Variants in PPP1R13L observed in about 807,000 individuals in gnomAD.
PPP1R13L encodes the protein relA-associated inhibitor.
In PPP1R13L, 50 loss-of-function variants were observed where a neutral mutation model predicts 80.9. That is an observed-to-expected ratio of 0.62 (90% confidence interval 0.49 to 0.78). The LOEUF is 0.78. Among genes scored for constraint, PPP1R13L ranks in the 30% least tolerant of loss-of-function variants. The pLI is 0.00. For missense variants in PPP1R13L, 1,200 were observed against 1,205.9 expected, an observed-to-expected ratio of 1.00 and a Z score of 0.07; for synonymous variants, 602 against 534.3, an observed-to-expected ratio of 1.13 and a Z score of -1.75.
At position 45,382,520 on chromosome 19, in the gene PPP1R13L, G is replaced by A; in HGVS notation, c.2448+7C>T. On this transcript the variant is annotated splice_region_variant and intron_variant, in intron 12 of 12. Coordinates refer to ENST00000360957, the MANE Select transcript of PPP1R13L (RefSeq NM_006663.4). ...GGAGGTCCCCATGACTTCTCCCCTG[G>A]GCTCACCCCGAAGTAGTTCCGCGGC... 1.2e-6 allele frequency: 2 copies of A among 1,611,152 alleles called. No individual in the cohort carries two copies. Among genetic ancestry groups the A allele is most frequent in the Non-Finnish European group, 1.7e-6 (2 of 1,178,436 alleles).
chr19:45,398,152 G>A lies in PPP1R13L; in HGVS notation c.56-5C>T, dbSNP rs774393289. 2 of 1,613,708 alleles carry A rather than the reference G, an allele frequency of 1.2e-6. No individual in the cohort carries two copies. Among genetic ancestry groups the A allele is most frequent in the African/African-American group, 1.3e-5 (1 of 75,062 alleles). ...CCATGTGTTTCATGGCCAGCGCTGG[G>A]AAGGTGGGAGTGGAGGTAAGGACCT... On this transcript the variant is annotated splice_region_variant and splice_polypyrimidine_tract_variant and intron_variant, in intron 2 of 12. Coordinates refer to ENST00000360957, the MANE Select transcript of PPP1R13L (RefSeq NM_006663.4).
At chr19:45,404,924 C>G (rs545633043) in intron 1 of PPP1R13L, 75 bp downstream of exon 1, 1 of 916,542 alleles carries the variant, frequency 1.1e-6, no homozygotes, top group South Asian at 5.0e-5. Context: ...GCGTCCGAGT[C>G]CCCTCCCAAT....
chr19:45,394,799 T>C (rs1453621832), intron 7 of PPP1R13L: 2 of 150,822 alleles, frequency 1.3e-5, no homozygotes, highest in African/African-American at 4.9e-5. Context: ...AAAGGCTTTA[T>C]ATGAATTTAA....
chr19:45,396,036 T>C lies in PPP1R13L; in HGVS notation c.903+132A>G. 7.7e-7 allele frequency: 1 copy of C among 1,294,070 alleles called. No homozygotes were observed. The allele number at this position is 1,294,070 out of a possible 1,614,324, so 80.2% of individuals were successfully genotyped here. On this transcript the variant is annotated intron_variant, in intron 6 of 12. Transcript: ENST00000360957. This position sits in a 1 kb window ranked among gnomAD's most constrained non-coding sequence, Gnocchi z 5.3. ...AGGAAGGAGCAGAAACCCAGCACAG[T>C]GAAGGGAGAGCGTGGGAACGGGCGC...
chr19:45,381,796 C>T (rs569677698), intron 12 of PPP1R13L, among the ~76,000 whole-genome samples: 7 of 151,296 alleles, frequency 4.6e-5, no homozygotes, highest in East Asian at 1.9e-4. Flanking sequence ...AAAAATTAGC[C>T]GTGCGTGGTG....
At chr19:45,383,169 T>C (rs1287135697) in intron 11 of PPP1R13L, among the ~76,000 whole-genome samples, 2 of 149,816 alleles carry the variant, frequency 1.3e-5, no homozygotes, top group African/African-American at 4.9e-5. Flanking sequence ...TAATTTTTGG[T>C]ATTTTTAGTA....
chr19:45,391,847 A>G, intron 8 of PPP1R13L, 33 bp downstream of exon 8: 1 of 1,422,184 alleles, frequency 7.0e-7, no homozygotes, highest in Non-Finnish European at 9.2e-7. Context: ...TTCATGTAGC[A>G]AACATACCCC....
chr19:45,397,760 A>T (rs562945858), intron 3 of PPP1R13L, among the ~76,000 whole-genome samples: 2 of 152,010 alleles, frequency 1.3e-5, no homozygotes, highest in African/African-American at 4.8e-5. Context: ...CCAGATTTTT[A>T]AAAAATCATT....
chr19:45,392,332 T>TG lies in PPP1R13L; in HGVS notation c.1362dup (p.Lys455GlnfsTer9), dbSNP rs952285786. 27 of 1,613,086 alleles carry TG rather than the reference T, an allele frequency of 1.7e-5. No individual in the cohort carries two copies. The highest frequency in any genetic ancestry group is 2.2e-5 in the Non-Finnish European group (26 of 1,179,988). On this transcript the variant is annotated frameshift_variant, in exon 8 of 13. Coordinates refer to ENST00000360957, the MANE Select transcript of PPP1R13L (RefSeq NM_006663.4). LOFTEE classifies it high-confidence loss of function. ...TCAGGCTCCAGCTCGGTGGGGGGTT[T>TG]GGGGGGTCCTAGCCGGAACAAGAGC... is the stretch of plus-strand genomic sequence containing the variant.
Position 45,397,991 on chromosome 19 carries a change from G to A in PPP1R13L, c.198+14C>T. The A allele has an allele frequency of 6.2e-7, 1 of 1,600,648 alleles. No individual in the cohort carries two copies. Among genetic ancestry groups the A allele is most frequent in the Non-Finnish European group, 8.5e-7 (1 of 1,170,994 alleles). On this transcript the variant is annotated intron_variant, in intron 3 of 12. Coordinates refer to ENST00000360957, the MANE Select transcript of PPP1R13L (RefSeq NM_006663.4). ...GAGGCTGGCTTTGGAGATCAAGGTG[G>A]GAACCAGGCTTACCCTAGAAGGGGG...
At chr19:45,406,322 C>T (rs1806752607), upstream of PPP1R13L, 3 of 1,124,216 alleles carry the variant, frequency 2.7e-6, no homozygotes, top group African/African-American at 5.0e-5. This position sits in a 1 kb window ranked among gnomAD's most constrained non-coding sequence, Gnocchi z 4.2. Flanking sequence ...GACCAATCGA[C>T]CGTCCTGTCT....
intron 7 of PPP1R13L, 106 bp downstream of exon 7, chr19:45,395,330 A>G (rs773521806): frequency 1.5e-5 from 21 of 1,423,936 alleles, no homozygotes; most frequent in South Asian, 7.4e-5. Flanking sequence ...CAGTGCTTGT[A>G]AAGAGGCATT....
In PPP1R13L at chr19:45,395,751, G is replaced by C. The variant is rs1328609142; in HGVS notation, c.1039C>G (p.Gln347Glu). The C allele has an allele frequency of 2.0e-6, 3 of 1,533,068 alleles. No individual in the cohort carries two copies. In the African/African-American group the frequency reaches 4.1e-5, roughly 21 times the overall value. The allele number at this position is 1,533,068 out of a possible 1,614,324, so 95.0% of individuals were successfully genotyped here. A position where few individuals can be genotyped will look rare whatever the true frequency, so the allele number is the denominator to read the frequency against. ...GGCATGGGGATGCGGCTGACGGGCT[G>C]CCAGCTGCGAGGCAAAGTGCCCGAC... ...GPSGTLPRSW[Q>E]PVSRIPMPPS... Residue 347 changes from glutamine to glutamate, a missense_variant, in exon 7 of 13, where the codon CAG becomes GAG. Gln to Glu is a conservative substitution (Grantham distance 29). This residue lies in a region of PPP1R13L where 764 missense variants were observed against 714.5 expected (regional missense o/e 1.07). Transcript: ENST00000360957.
In PPP1R13L at chr19:45,399,947, T is replaced by TA. The variant is rs775624530; in HGVS notation, c.-21-1609dup. The stretch of plus-strand genomic sequence containing the variant: ...TTGGGTGACAGAGCGAGGCTCTATT[T>TA]AAAAAAAAAAAAATTAATTGAGGGG... On this transcript the variant is annotated intron_variant, in intron 1 of 12. Transcript: ENST00000360957. 1.1e-3 allele frequency among the ~76,000 whole-genome samples: 166 copies of TA among 144,942 alleles called. No homozygotes were observed. The Middle Eastern group carries it at 0.021, about 19-fold the overall frequency.
chr19:45,381,737 C>G (rs1303932774), intron 12 of PPP1R13L, among the ~76,000 whole-genome samples: 1 of 149,822 alleles, frequency 6.7e-6, no homozygotes, highest in Admixed American at 6.7e-5. Flanking sequence ...TCAAGACCAG[C>G]CTGGCCAACG....
chr19:45,395,703 C>T lies in PPP1R13L; in HGVS notation c.1087G>A (p.Gly363Arg), dbSNP rs1318710734. ...GGGATGGGACGCTGGCGCGGGGCCC[C>T]GCGGGGCTGGGGGCTGGAGGGGGGC... ...PMPPSSPQPR[G>R]APRQRPIPLS... The change falls in exon 7 of 13, where the codon GGG becomes AGG. Residue 363 changes from glycine (G) to arginine (R), a missense_variant. Physicochemically the swap from Gly to Arg is moderately radical, Grantham distance 125. Transcript: ENST00000360957. 1.5e-6 allele frequency: 2 copies of T among 1,345,786 alleles called. No individual in the cohort carries two copies. Among genetic ancestry groups the T allele is most frequent in the South Asian group, 3.1e-5 (2 of 63,956 alleles). 83.4% of individuals were successfully genotyped at this position (1,345,786 alleles called of 1,614,324 possible).
intron 12 of PPP1R13L, among the ~76,000 whole-genome samples, chr19:45,380,459 G>A (rs193133111): frequency 6.6e-6 from 1 of 152,140 alleles, no homozygotes; most frequent in East Asian, 1.9e-4. Context: ...CTGCCATAAG[G>A]AGAAGCCCAC....
chr19:45,399,976 CT>C (rs1973199528), intron 1 of PPP1R13L, among the ~76,000 whole-genome samples: 1 of 151,786 alleles, frequency 6.6e-6, no homozygotes, highest in Non-Finnish European at 1.5e-5. Context: ...TGAGGGGCCA[CT>C]CCCTTCTAGA....
At position 45,385,851 on chromosome 19, in the gene PPP1R13L, T is replaced by G. The variant is rs758134664; in HGVS notation, c.2054A>C (p.Asn685Thr). The change falls in exon 10 of 13, where the codon AAT (asparagine) becomes ACT (threonine). Residue 685 changes from asparagine to threonine, a missense_variant. Asn to Thr is a moderately conservative substitution (Grantham distance 65). Transcript: ENST00000360957. ...GCCGTGGCTGTCGGGGGAGTTGACA[T>G]TGGCACCCGCGGTGATGAGGAAATC... Reference protein sequence around the residue: ...IVDFLITAGANVNSPDSHGWT... With the variant: ...IVDFLITAGATVNSPDSHGWT... 6.2e-7 allele frequency: 1 copy of G among 1,611,158 alleles called. No individual in the cohort carries two copies.
Sources: allele counts gnomAD v4.1 joint callset (sites outside exome capture counted in the v4.1 genomes callset), GRCh38; gene constraint gnomAD v4.1.1; regional missense constraint gnomAD v4.1.1; non-coding constraint Gnocchi (gnomAD v3.1); transcripts MANE v1.5; gene names NCBI Gene and HGNC (gene_info 2026-07-23, HGNC 2026-07-21).